C8orf88: variants seen among roughly 807,000 people sequenced by gnomAD.
C8orf88 encodes uncharacterized protein C8orf88.
C8orf88 carries 14 observed loss-of-function variants against 18.4 expected under a neutral mutation model. That is an observed-to-expected ratio of 0.76 (90% CI 0.50 to 1.19). C8orf88 has a LOEUF of 1.19. Among genes scored for constraint, C8orf88 ranks in the 50% most tolerant of loss-of-function variants. The probability of loss-of-function intolerance (pLI) is 0.00; values close to 1 mark genes in which losing one functional copy is unlikely to be tolerated. For missense variants in C8orf88, 116 were observed against 134.7 expected (o/e 0.86, Z 0.69); for synonymous variants, 45 against 42.9 (o/e 1.05, Z -0.19).
At chr8:90,969,003 A>G (rs1277731569) in intron 4 of C8orf88, among the ~76,000 whole-genome samples, 1 of 151,730 alleles carries the variant, frequency 6.6e-6, no homozygotes. Flanking sequence ...TGGAAACCCT[A>G]GTACCTTGCA....
chr8:90,969,115 G>A (rs949890172), intron 4 of C8orf88, among the ~76,000 whole-genome samples: 1 of 151,720 alleles, frequency 6.6e-6, no homozygotes, highest in African/African-American at 2.4e-5. Flanking sequence ...CGGCTCCTAG[G>A]TATATGCCTG....
intron 1 of C8orf88, among the ~76,000 whole-genome samples, chr8:90,984,783 C>T (rs1172237085): frequency 6.6e-6 from 1 of 152,200 alleles, no homozygotes; most frequent in Non-Finnish European, 1.5e-5. Context: ...CGCCTGGCAC[C>T]AGGTGCTGGG....
Position 90,978,591 on chromosome 8 carries a change from A to C in C8orf88, c.135T>G (p.Ser45Arg). ...TTCTAAGACTTACTCTGCTAACTCC[A>C]CTTTGTATGCACTGAGTGTTGCATG... ...EYPCNTQCIQ[S>R]GVSRCKTNGM... The change falls in exon 3 of 6, where the codon AGT becomes AGG. Residue 45 changes from serine (S) to arginine (R), a missense_variant. Coordinates refer to ENST00000517562, the MANE Select transcript of C8orf88 (RefSeq NM_001190972.2). 6.6e-7 allele frequency: 1 copy of C among 1,526,276 alleles called. No homozygotes were observed. The highest frequency in any genetic ancestry group is 8.8e-7 in the Non-Finnish European group (1 of 1,141,380). 94.5% of individuals were successfully genotyped at this position (1,526,276 alleles called of 1,614,324 possible). A position where few individuals can be genotyped will look rare whatever the true frequency, so the allele number is the denominator to read the frequency against.
At chr8:90,975,126 T>A (rs1811329090) in intron 3 of C8orf88, among the ~76,000 whole-genome samples, 1 of 152,182 alleles carries the variant, frequency 6.6e-6, no homozygotes, top group South Asian at 2.1e-4. Context: ...ATTCTTCCCA[T>A]ATTAATCTAT....
chr8:90,971,706 C>G (rs1811286224), intron 3 of C8orf88, among the ~76,000 whole-genome samples: 1 of 151,934 alleles, frequency 6.6e-6, no homozygotes, highest in African/African-American at 2.4e-5. Flanking sequence ...CAGAGTTTTT[C>G]CAGTCTCACT....
At chr8:90,975,506 G>A (rs766229364) in intron 3 of C8orf88, among the ~76,000 whole-genome samples, 18 of 151,748 alleles carry the variant, frequency 1.2e-4, no homozygotes, top group Non-Finnish European at 1.5e-4. Context: ...AAAGAAAAAC[G>A]GAAAGAAAAA....
At position 90,977,054 on chromosome 8, in the gene C8orf88, A is replaced by C. The variant is rs558486556; in HGVS notation, c.147+1525T>G. On this transcript the variant is annotated intron_variant, in intron 3 of 5. Transcript: ENST00000517562. ...TTTTATGCACATAAGAAAAATAATT[A>C]GAATCCAGAACATATTTTAAAGGCA... Among the ~76,000 whole-genome samples, 117 of 152,308 alleles carry C rather than the reference A, an allele frequency of 7.7e-4. 2 individuals are homozygous for C. In the South Asian group the frequency reaches 0.014, roughly 19 times the overall value.
intron 1 of C8orf88, among the ~76,000 whole-genome samples, chr8:90,983,636 C>G (rs1003168417): frequency 1.3e-5 from 2 of 151,960 alleles, no homozygotes; most frequent in African/African-American, 4.8e-5. Flanking sequence ...TTTTAAGGTC[C>G]TACTACATAC....
chr8:90,962,028 G>C (rs1186221349), intron 4 of C8orf88, among the ~76,000 whole-genome samples: 1 of 151,360 alleles, frequency 6.6e-6, no homozygotes, highest in Non-Finnish European at 1.5e-5. Context: ...GAATAAGAAG[G>C]GTTGAATTAC....
intron 5 of C8orf88, among the ~76,000 whole-genome samples, chr8:90,960,368 A>G (rs1030029313): frequency 2.0e-5 from 3 of 151,424 alleles, no homozygotes; most frequent in African/African-American, 4.8e-5. Context: ...CTTTCAATAA[A>G]TATTTTTAAA....
chr8:90,961,899 A>C (rs977924894), intron 4 of C8orf88, among the ~76,000 whole-genome samples: 3 of 151,450 alleles, frequency 2.0e-5, no homozygotes, highest in Non-Finnish European at 3.0e-5. Flanking sequence ...AAATTGACAG[A>C]GTGGATTTAA....
intron 3 of C8orf88, among the ~76,000 whole-genome samples, chr8:90,977,374 C>T (rs1233702721): frequency 6.6e-6 from 1 of 152,014 alleles, no homozygotes; most frequent in Non-Finnish European, 1.5e-5. Context: ...ATTAAGAATA[C>T]TTAGTAATTC....
intron 4 of C8orf88, among the ~76,000 whole-genome samples, chr8:90,962,294 C>T (rs1030828588): frequency 2.6e-5 from 4 of 151,246 alleles, no homozygotes; most frequent in South Asian, 2.1e-4. Context: ...CCTTTTTTCA[C>T]GAAACTCCTG....
In C8orf88 at chr8:90,980,444, A is replaced by T. The variant is rs116923196; in HGVS notation, c.-9T>A. On this transcript the variant is annotated 5_prime_UTR_variant, in exon 2 of 6. Coordinates refer to ENST00000517562, the MANE Select transcript of C8orf88 (RefSeq NM_001190972.2). ...AATTTTTTGGTTTCCATTGTCACAA[A>T]GACTTTGAGGTTCCATACTAGAAGA... The T allele has an allele frequency of 3.7e-4, 563 of 1,517,298 alleles. 4 individuals are homozygous for T. In the East Asian group the frequency reaches 0.013, roughly 34 times the overall value. The allele number at this position is 1,517,298 out of a possible 1,614,324, so 94.0% of individuals were successfully genotyped here.
At chr8:90,968,610 C>A (rs1811237424) in intron 4 of C8orf88, among the ~76,000 whole-genome samples, 1 of 130,508 alleles carries the variant, frequency 7.7e-6, no homozygotes, top group East Asian at 2.2e-4. Context: ...CATTAAGACA[C>A]CCTATCAAGA....
At chr8:90,977,772 T>C (rs566836300) in intron 3 of C8orf88, among the ~76,000 whole-genome samples, 84 of 152,122 alleles carry the variant, frequency 5.5e-4, no homozygotes, top group Middle Eastern at 3.4e-3. Flanking sequence ...TGAAACCCCA[T>C]CTGTACTAAA....
chr8:90,966,091 G>T (rs1161506526), intron 4 of C8orf88, among the ~76,000 whole-genome samples: 2 of 151,536 alleles, frequency 1.3e-5, no homozygotes, highest in South Asian at 2.1e-4. Flanking sequence ...TCAAAAGTTG[G>T]TTTTTTCAAC....
intron 3 of C8orf88, among the ~76,000 whole-genome samples, chr8:90,974,881 A>C (rs1012829855): frequency 5.9e-5 from 9 of 152,160 alleles, no homozygotes; most frequent in African/African-American, 1.9e-4. Context: ...TGGTCTCTAC[A>C]AAAAAAGTTG....
chr8:90,975,133 C>T (rs546146656), intron 3 of C8orf88, among the ~76,000 whole-genome samples: 15 of 152,234 alleles, frequency 9.9e-5, no homozygotes, highest in African/African-American at 3.4e-4. Flanking sequence ...CCATATTAAT[C>T]TATAAATTCA....
Sources: allele counts gnomAD v4.1 joint callset (sites outside exome capture counted in the v4.1 genomes callset), GRCh38; gene constraint gnomAD v4.1.1; transcripts MANE v1.5; gene names NCBI Gene and HGNC (gene_info 2026-07-23, HGNC 2026-07-21).